The following ST3GAL5 variants were observed in gnomAD, a reference collection of about 807,000 sequenced individuals.
ST3GAL5 encodes lactosylceramide alpha-2,3-sialyltransferase.
A neutral mutation model predicts 46.1 loss-of-function variants in ST3GAL5; 25 were observed. That is an observed-to-expected ratio of 0.54 (90% CI 0.40 to 0.76). ST3GAL5 has a LOEUF of 0.76. ST3GAL5 is among the 30% of genes least tolerant of loss of function. The pLI, the probability that ST3GAL5 is intolerant of heterozygous loss-of-function variation, is 0.00. For synonymous variants in ST3GAL5, 182 were observed against 192.7 expected (o/e 0.94, Z 0.46); for missense variants, 431 against 521.2 (o/e 0.83, Z 1.69).
At chr2:85,868,391 T>TC (rs1685520081) in intron 1 of ST3GAL5, among the ~76,000 whole-genome samples, 2 of 152,108 alleles carry the variant, frequency 1.3e-5, no homozygotes, top group Non-Finnish European at 2.9e-5. Context: ...GGCCTCAACC[T>TC]CCTAGGCTCA....
intron 2 of ST3GAL5, among the ~76,000 whole-genome samples, chr2:85,862,051 A>T (rs1684789766): frequency 6.6e-6 from 1 of 152,118 alleles, no homozygotes. Flanking sequence ...TTTTCAAAAA[A>T]ATTGCATCTA....
At chr2:85,847,354 C>T in intron 4 of ST3GAL5, 4 of 994,680 alleles carry the variant, frequency 4.0e-6, no homozygotes, top group Non-Finnish European at 4.8e-6. Flanking sequence ...CCAAATCTCA[C>T]TTCCTCTGAC....
intron 3 of ST3GAL5, chr2:85,851,268 T>C: frequency 8.9e-7 from 1 of 1,118,654 alleles, no homozygotes; most frequent in Non-Finnish European, 1.1e-6. Flanking sequence ...AGTCACCTTC[T>C]GACTGTGACC....
At position 85,839,594 on chromosome 2, in the gene ST3GAL5, CAG is replaced by C. The variant is rs1341586814; in HGVS notation, c.*548_*549del. The C allele has an allele frequency of 6.0e-6, 1 of 165,424 alleles. No homozygotes were observed. The highest frequency in any genetic ancestry group is 2.4e-5 in the African/African-American group (1 of 41,538). The allele number at this position is 165,424 out of a possible 1,614,324, so 10.2% of individuals were successfully genotyped here. On this transcript the variant is annotated 3_prime_UTR_variant, in exon 7 of 7. Transcript: ENST00000638572. ...GGTTCTCGAGTCTTTCAGCAGAAGG[CAG>C]ACCAACAGAGAAGGGTTGTGACCTT...
intron 3 of ST3GAL5, chr2:85,858,266 GC>G (rs1684365975): frequency 6.6e-6 from 1 of 152,188 alleles, no homozygotes; most frequent in Non-Finnish European, 1.5e-5. Context: ...GATCAGAAAG[GC>G]CCCTGAGCCC....
rs2104580035 is a variant in ST3GAL5, at chr2:85,839,502, A to T, written c.*642T>A. The T allele has an allele frequency of 6.5e-6, 1 of 154,694 alleles. No individual in the cohort carries two copies. Among genetic ancestry groups the T allele is most frequent in the South Asian group, 2.0e-4 (1 of 4,998 alleles). 9.6% of individuals were successfully genotyped at this position (154,694 alleles called of 1,614,324 possible). ...TTTCTGTAGCCCAGGGTGGCTTCAC[A>T]GTTGTCAGAGGTCACAGATTCTATG... is the stretch of plus-strand genomic sequence containing the variant. On this transcript the variant is annotated 3_prime_UTR_variant, in exon 7 of 7. Transcript: ENST00000638572.
chr2:85,872,568 A>G (rs6750686), intron 1 of ST3GAL5, among the ~76,000 whole-genome samples: 83,130 of 150,350 alleles, frequency 0.55, 23,458 homozygotes, highest in East Asian at 0.68. Flanking sequence ...GGGCAACAGA[A>G]AGAAAAGCTC....
At chr2:85,867,864 C>A (rs1203850629) in intron 1 of ST3GAL5, 1 of 599,170 alleles carries the variant, frequency 1.7e-6, no homozygotes, top group Admixed American at 2.4e-5. Flanking sequence ...CTTCCTGGGA[C>A]TGGGGTTAGT....
chr2:85,853,268 T>G (rs982788227), intron 3 of ST3GAL5: 22 of 351,728 alleles, frequency 6.3e-5, no homozygotes, highest in African/African-American at 4.1e-4. Flanking sequence ...CTGGTAGTCT[T>G]TTTAACAACT....
intron 1 of ST3GAL5, among the ~76,000 whole-genome samples, chr2:85,876,617 C>T (rs13016226): frequency 0.18 from 27,197 of 151,784 alleles, 2,900 homozygotes; most frequent in South Asian, 0.34. Flanking sequence ...TGCGTGCCAC[C>T]GCACCCAGCT....
intron 3 of ST3GAL5, among the ~76,000 whole-genome samples, chr2:85,859,739 G>A (rs1033021574): frequency 2.0e-5 from 3 of 152,166 alleles, no homozygotes; most frequent in South Asian, 2.1e-4. Flanking sequence ...AAGTAGAAAC[G>A]TATGAATAAA....
chr2:85,864,172 A>G (rs542641056), intron 1 of ST3GAL5, among the ~76,000 whole-genome samples: 1 of 152,334 alleles, frequency 6.6e-6, no homozygotes, highest in Non-Finnish European at 1.5e-5. Flanking sequence ...TATCCATGTC[A>G]GATTCCAGCT....
At chr2:85,886,550 A>T (rs1687785938) in intron 1 of ST3GAL5, among the ~76,000 whole-genome samples, 1 of 152,166 alleles carries the variant, frequency 6.6e-6, no homozygotes, top group Non-Finnish European at 1.5e-5. Context: ...CTTAAAAAAA[A>T]AAGAGGAAAA....
At chr2:85,863,530 G>A (rs1374414840) in intron 1 of ST3GAL5, 45 bp from the exon 2 acceptor site, 2 of 1,605,948 alleles carry the variant, frequency 1.2e-6, no homozygotes, top group African/African-American at 1.3e-5. Flanking sequence ...AGAGAGGAGA[G>A]AGTTAGGAGG....
intron 1 of ST3GAL5, among the ~76,000 whole-genome samples, chr2:85,874,858 T>G (rs1416854699): frequency 6.6e-6 from 1 of 151,556 alleles, no homozygotes; most frequent in Admixed American, 6.6e-5. Context: ...GAGACCACTG[T>G]GAAGACCAGA....
chr2:85,847,950 G>A lies in ST3GAL5; in HGVS notation c.573C>T (p.Thr191=), dbSNP rs769785911. 1.9e-6 allele frequency: 3 copies of A among 1,614,202 alleles called. 1 individual carries two copies. Among genetic ancestry groups the A allele is most frequent in the South Asian group, 2.2e-5 (2 of 91,084 alleles). ...HDLPEHLKAK[T]CRRCVVIGSG... is the part of the protein sequence containing the mutation. ...TTCCAATAACCACACAGCGCCGACAGGTCTTGGCTTTCAAGTGTTCAGGGA... is the reference window on the plus strand; with the variant it reads ...TTCCAATAACCACACAGCGCCGACAAGTCTTGGCTTTCAAGTGTTCAGGGA... The change falls in exon 4 of 7, where the codon ACC becomes ACT. Residue 191 remains threonine, a synonymous_variant. Coordinates refer to ENST00000638572, the MANE Select transcript of ST3GAL5 (RefSeq NM_003896.4).
rs997232534 is a variant in ST3GAL5, at chr2:85,839,079, G to A, written c.*1065C>T. 4.6e-5 allele frequency: 7 copies of A among 152,196 alleles called. No homozygotes were observed. Among genetic ancestry groups the A allele is most frequent in the Non-Finnish European group, 1.0e-4 (7 of 68,050 alleles). 9.4% of individuals were successfully genotyped at this position (152,196 alleles called of 1,614,324 possible). The stretch of plus-strand genomic sequence containing the variant: ...TCCACAGAGAGGTCTCCGCCTAGCA[G>A]CAGCATCCAAGAAGGAGGTTTTGGG... On this transcript the variant is annotated 3_prime_UTR_variant, in exon 7 of 7. Coordinates refer to ENST00000638572, the MANE Select transcript of ST3GAL5 (RefSeq NM_003896.4).
intron 3 of ST3GAL5, among the ~76,000 whole-genome samples, chr2:85,859,950 G>A (rs1684544213): frequency 6.6e-6 from 1 of 152,090 alleles, no homozygotes; most frequent in African/African-American, 2.4e-5. Flanking sequence ...GGGCTTCTCT[G>A]TGGACACTCC....
chr2:85,857,300 G>T (rs76257081), intron 3 of ST3GAL5, among the ~76,000 whole-genome samples: 44,659 of 151,386 alleles, frequency 0.3, 7,073 homozygotes, highest in East Asian at 0.54. Flanking sequence ...ACTTTGGGAG[G>T]TTGAGGCGGG....
Sources: allele counts gnomAD v4.1 joint callset (sites outside exome capture counted in the v4.1 genomes callset), GRCh38; gene constraint gnomAD v4.1.1; transcripts MANE v1.5; gene names NCBI Gene and HGNC (gene_info 2026-07-23, HGNC 2026-07-21).